Variants in NPAS3 observed in about 807,000 individuals in gnomAD.
NPAS3 encodes the protein neuronal PAS domain protein 3.
Under a neutral mutation model 73.1 loss-of-function variants are expected in NPAS3, and 14 were observed. The ratio of observed to expected loss-of-function variants is 0.19; its 90% CI spans 0.13 to 0.30. The LOEUF is 0.30. Among genes scored for constraint, NPAS3 ranks in the 10% least tolerant of loss-of-function variants. The probability of loss-of-function intolerance (pLI) is 1.00; values close to 1 mark genes in which losing one functional copy is unlikely to be tolerated. For synonymous variants in NPAS3, 620 were observed against 541.5 expected, an observed-to-expected ratio of 1.14 and a Z score of -2.01; for missense variants, 1,096 against 1,250.0, an observed-to-expected ratio of 0.88 and a Z score of 1.86.
At chr14:33,027,153 A>C (rs935853323) in intron 1 of NPAS3, among the ~76,000 whole-genome samples, 13 of 152,188 alleles carry the variant, frequency 8.5e-5, no homozygotes, top group Non-Finnish European at 1.5e-5. Flanking sequence ...CAGCGTTGGC[A>C]GGGAATTGGG....
At chr14:33,653,392 G>A (rs770068526) in intron 5 of NPAS3, among the ~76,000 whole-genome samples, 3 of 152,176 alleles carry the variant, frequency 2.0e-5, no homozygotes, top group Non-Finnish European at 2.9e-5. Flanking sequence ...AAGCTTTGCC[G>A]ACTTCATTTT....
At chr14:33,620,694 A>AAT (rs2058053755) in intron 5 of NPAS3, among the ~76,000 whole-genome samples, 1 of 152,202 alleles carries the variant, frequency 6.6e-6, no homozygotes, top group Admixed American at 6.5e-5. Context: ...TAATGCACCA[A>AAT]ATATATGTTT....
At chr14:33,283,603 C>A (rs1438463789) in intron 3 of NPAS3, among the ~76,000 whole-genome samples, 4 of 152,316 alleles carry the variant, frequency 2.6e-5, no homozygotes, top group Admixed American at 1.3e-4. Flanking sequence ...ACTATCTATT[C>A]TTGTACAGGT....
chr14:33,534,697 CGTA>C (rs1380096051), intron 4 of NPAS3, among the ~76,000 whole-genome samples: 1 of 152,126 alleles, frequency 6.6e-6, no homozygotes, highest in African/African-American at 2.4e-5. Context: ...CTATGAACCT[CGTA>C]CATCTTATTT....
chr14:33,512,813 A>G (rs1008026564), intron 4 of NPAS3, among the ~76,000 whole-genome samples: 51 of 152,192 alleles, frequency 3.4e-4, no homozygotes, highest in African/African-American at 1.2e-3. Context: ...CTTAAAGAAC[A>G]TCTGATTTAG....
At chr14:33,247,002 A>G (rs1489063626) in intron 3 of NPAS3, among the ~76,000 whole-genome samples, 1 of 152,066 alleles carries the variant, frequency 6.6e-6, no homozygotes, top group Admixed American at 6.5e-5. Context: ...TGACAGAGCA[A>G]TACCCTGTTT....
intron 4 of NPAS3, among the ~76,000 whole-genome samples, chr14:33,387,696 T>C (rs1020449809): frequency 2.6e-5 from 4 of 151,938 alleles, no homozygotes; most frequent in Admixed American, 2.0e-4. Context: ...GAATAAAAGA[T>C]TGGAGTGGTG....
intron 2 of NPAS3, among the ~76,000 whole-genome samples, chr14:33,163,632 T>G (rs1466105786): frequency 2.6e-5 from 4 of 151,622 alleles, no homozygotes; most frequent in East Asian, 1.9e-4. Context: ...TGTTTTTTTT[T>G]TTTTTTTTTT....
chr14:33,510,704 T>C (rs1169158318), intron 4 of NPAS3, among the ~76,000 whole-genome samples: 1 of 152,070 alleles, frequency 6.6e-6, no homozygotes, highest in Non-Finnish European at 1.5e-5. Context: ...ACTAAATTCT[T>C]ACATTGACTT....
At chr14:33,079,325 C>CTCTTTTTTTTTTTT (rs2041779872) in intron 2 of NPAS3, among the ~76,000 whole-genome samples, 1 of 132,300 alleles carries the variant, frequency 7.6e-6, no homozygotes, top group Non-Finnish European at 1.6e-5. Context: ...TTTCTTTTTC[C>CTCTTTTTTTTTTTT]TTTTTTTTTT....
At chr14:33,043,075 C>T (rs766192089) in intron 1 of NPAS3, among the ~76,000 whole-genome samples, 1 of 152,024 alleles carries the variant, frequency 6.6e-6, no homozygotes, top group Non-Finnish European at 1.5e-5. Flanking sequence ...TGAGAAATTG[C>T]CACACTGAAA....
Position 33,800,962 on chromosome 14 carries a change from C to G in NPAS3, c.2655C>G (p.Phe885Leu). ...ACCGGCTCAACATGTCAGGACCGTT[C>G]GGCGGCGCAGTGAGCGCAGCTAGCC... The change falls in exon 12 of 12, where the codon TTC becomes TTG. Residue 885 changes from phenylalanine (F) to leucine (L), a missense_variant. By Grantham distance (22) the Phe-to-Leu change is conservative. Transcript: ENST00000356141. This position sits in a 1 kb window ranked among gnomAD's most constrained non-coding sequence, Gnocchi z 6.5. The G allele has an allele frequency of 6.3e-7, 1 of 1,599,440 alleles. No homozygotes were observed. The highest frequency in any genetic ancestry group is 8.5e-7 in the Non-Finnish European group (1 of 1,173,798).
In NPAS3 at chr14:32,966,643, G is replaced by A. The variant is rs1212417184; in HGVS notation, c.50+27277G>A. Among the ~76,000 whole-genome samples the A allele has an allele frequency of 9.3e-5, 7 of 75,352 alleles. 1 individual carries two copies. Among genetic ancestry groups the A allele is most frequent in the Admixed American group, 3.1e-4 (3 of 9,534 alleles). The allele number at this position is 75,352 out of a possible 152,430, so 49.4% of individuals were successfully genotyped here. ...AAATTAGCCGGGCGCGGTGGCGGGC[G>A]CCTGTAGTCCCAGCTACTGGGGAGG... On this transcript the variant is annotated intron_variant, in intron 1 of 11. Transcript: ENST00000356141.
intron 5 of NPAS3, among the ~76,000 whole-genome samples, chr14:33,584,720 T>C (rs2056800897): frequency 6.6e-6 from 1 of 152,184 alleles, no homozygotes; most frequent in African/African-American, 2.4e-5. Flanking sequence ...GAAAAAACTA[T>C]GGAAATAATT....
intron 7 of NPAS3, among the ~76,000 whole-genome samples, chr14:33,766,178 C>T (rs966712373): frequency 6.6e-6 from 1 of 152,168 alleles, no homozygotes; most frequent in African/African-American, 2.4e-5. Flanking sequence ...CACATGCATA[C>T]GTGTACCTGA....
chr14:33,707,968 G>A (rs2060704699), intron 6 of NPAS3, among the ~76,000 whole-genome samples: 1 of 152,164 alleles, frequency 6.6e-6, no homozygotes, highest in Non-Finnish European at 1.5e-5. Context: ...TCCTAGATGT[G>A]GGAACGTGGA....
chr14:33,193,112 G>A (rs2046229296), intron 2 of NPAS3, among the ~76,000 whole-genome samples: 1 of 151,750 alleles, frequency 6.6e-6, no homozygotes. Flanking sequence ...ATACATAAAA[G>A]TTCTGGCTTT....
chr14:33,220,848 C>G (rs778126989), intron 3 of NPAS3, among the ~76,000 whole-genome samples: 23 of 152,204 alleles, frequency 1.5e-4, no homozygotes, highest in Non-Finnish European at 2.9e-4. Flanking sequence ...TCTGGTACAA[C>G]GGAGCATTCA....
chr14:33,147,730 A>ATATATATATATATATAT (rs1555344654), intron 2 of NPAS3, among the ~76,000 whole-genome samples: 60 of 130,296 alleles, frequency 4.6e-4, no homozygotes, highest in African/African-American at 1.9e-3. Flanking sequence ...TAGAATAAAA[A>ATATATATATATATATAT]ATATATATAT....
Sources: gnomAD v4.1 joint callset for allele counts (sites outside exome capture counted in the v4.1 genomes callset) on GRCh38, gnomAD v4.1.1 for gene constraint, Gnocchi (gnomAD v3.1) non-coding constraint, MANE v1.5 for transcripts, NCBI Gene and HGNC (gene_info 2026-07-23, HGNC 2026-07-21) for gene names.